RSPH9: variants seen among roughly 807,000 people sequenced by gnomAD.
RSPH9 encodes radial spoke head component 9.
In RSPH9, 27 loss-of-function variants were observed where a neutral mutation model predicts 27.0. That is an observed-to-expected ratio of 1.00 (90% CI 0.74 to 1.38). RSPH9 has a LOEUF of 1.38. RSPH9 is among the 40% of genes most tolerant of loss of function. The probability of loss-of-function intolerance (pLI) is 0.00; values close to 1 mark genes in which losing one functional copy is unlikely to be tolerated. For synonymous variants in RSPH9, 145 were observed against 147.7 expected, an observed-to-expected ratio of 0.98 and a Z score of 0.13; for missense variants, 347 against 357.4, an observed-to-expected ratio of 0.97 and a Z score of 0.24.
chr6:43,653,172 C>T (rs928035622), intron 2 of RSPH9, among the ~76,000 whole-genome samples: 1 of 152,144 alleles, frequency 6.6e-6, no homozygotes, highest in Non-Finnish European at 1.5e-5. Flanking sequence ...GACCATATAG[C>T]TGGGCATGGT....
In RSPH9 at chr6:43,671,795, G is replaced by A. The variant is rs1773710991; in HGVS notation, c.*846G>A. ...ACAGCTTCCAAGGTGTTCTTGAGTAGCAGACATTGTCCCTCAGAAGGGGTG... is the reference window on the plus strand; with the variant it reads ...ACAGCTTCCAAGGTGTTCTTGAGTAACAGACATTGTCCCTCAGAAGGGGTG... On this transcript the variant is annotated 3_prime_UTR_variant, in exon 5 of 5. Coordinates refer to ENST00000372163, the MANE Select transcript of RSPH9 (RefSeq NM_152732.5). 1 of 1,614,222 alleles carries A rather than the reference G, an allele frequency of 6.2e-7. No individual in the cohort carries two copies. Among genetic ancestry groups the A allele is most frequent in the Non-Finnish European group, 8.5e-7 (1 of 1,180,030 alleles).
intron 1 of RSPH9, among the ~76,000 whole-genome samples, chr6:43,646,929 T>C (rs1226524095): frequency 7.0e-6 from 1 of 141,910 alleles, no homozygotes; most frequent in East Asian, 2.1e-4. Context: ...CACTCCAGCC[T>C]GGGTGACAGA....
chr6:43,645,086 A>G lies in RSPH9; in HGVS notation c.-13A>G, dbSNP rs778566092. The stretch of plus-strand genomic sequence containing the variant: ...TAGCAACTCGACGGGCGTTGAGCGG[A>G]GCCGCTGACCTGATGGACGCCGACA... On this transcript the variant is annotated 5_prime_UTR_variant, in exon 1 of 5. Transcript: ENST00000372163. The G allele has an allele frequency of 6.2e-7, 1 of 1,608,254 alleles. No homozygotes were observed. The highest frequency in any genetic ancestry group is 8.5e-7 in the Non-Finnish European group (1 of 1,178,916).
intron 2 of RSPH9, among the ~76,000 whole-genome samples, chr6:43,651,710 A>T (rs1771488078): frequency 6.6e-6 from 1 of 151,908 alleles, no homozygotes; most frequent in African/African-American, 2.4e-5. Flanking sequence ...TGCCACACCC[A>T]GCTAATTTTT....
chr6:43,671,369 A>C lies in RSPH9; in HGVS notation c.*420A>C. On this transcript the variant is annotated 3_prime_UTR_variant, in exon 5 of 5. Coordinates refer to ENST00000372163, the MANE Select transcript of RSPH9 (RefSeq NM_152732.5). ...TGACTCATTGGCCCCATCACAAGAG[A>C]TCAGTGACTCAATGCTCAGCACCCA... The C allele has an allele frequency of 2.5e-6, 1 of 396,984 alleles. No homozygotes were observed. Among genetic ancestry groups the C allele is most frequent in the Non-Finnish European group, 4.7e-6 (1 of 215,050 alleles). The allele number at this position is 396,984 out of a possible 1,614,324, so 24.6% of individuals were successfully genotyped here.
intron 4 of RSPH9, among the ~76,000 whole-genome samples, 200 bp downstream of exon 4, chr6:43,656,923 G>A (rs1252446073): frequency 1.3e-5 from 2 of 152,156 alleles, no homozygotes; most frequent in Non-Finnish European, 2.9e-5. Context: ...ACAAAAGGTA[G>A]GATTGTTTTC....
chr6:43,667,333 C>T (rs1773242821), intron 4 of RSPH9, among the ~76,000 whole-genome samples: 1 of 152,218 alleles, frequency 6.6e-6, no homozygotes, highest in East Asian at 1.9e-4. Flanking sequence ...GCAAAGGTCT[C>T]AGAATTGCCA....
chr6:43,656,311 C>T (rs1033388155), intron 3 of RSPH9, among the ~76,000 whole-genome samples: 1 of 152,148 alleles, frequency 6.6e-6, no homozygotes, highest in Admixed American at 6.6e-5. Context: ...GTCTCAAACT[C>T]CCGACCTCAG....
intron 4 of RSPH9, among the ~76,000 whole-genome samples, chr6:43,665,270 G>A (rs1773030002): frequency 6.6e-6 from 1 of 152,238 alleles, no homozygotes; most frequent in Non-Finnish European, 1.5e-5. Flanking sequence ...CTCGGGTAAG[G>A]TGGACCCTGG....
intron 4 of RSPH9, among the ~76,000 whole-genome samples, chr6:43,662,249 G>C: frequency 6.6e-6 from 1 of 152,218 alleles, no homozygotes; most frequent in East Asian, 1.9e-4. Context: ...TCATAGAATT[G>C]AAGAGAGTTA....
At position 43,670,781 on chromosome 6, in the gene RSPH9, T is replaced by C. The variant is rs371183985; in HGVS notation, c.671-8T>C. The C allele has an allele frequency of 1.2e-5, 19 of 1,613,692 alleles. No individual in the cohort carries two copies. In the African/African-American group the frequency reaches 1.7e-4, roughly 15 times the overall value. On this transcript the variant is annotated splice_polypyrimidine_tract_variant and splice_region_variant and intron_variant, in intron 4 of 4. Transcript: ENST00000372163. Reference sequence around the variant, plus strand: ...ACCAGGCCTCACCTCCTGCCTGTCTTATCTCAGGGTCCTGGAGCATCCAGA... The same window carrying C: ...ACCAGGCCTCACCTCCTGCCTGTCTCATCTCAGGGTCCTGGAGCATCCAGA...
intron 2 of RSPH9, among the ~76,000 whole-genome samples, chr6:43,651,048 GCC>G (rs1281535062): frequency 6.6e-6 from 1 of 151,480 alleles, no homozygotes; most frequent in Non-Finnish European, 1.5e-5. Flanking sequence ...TTCCGCCTCA[GCC>G]TCCCAAGTAG....
chr6:43,652,261 G>A (rs527827999), intron 2 of RSPH9, among the ~76,000 whole-genome samples: 413 of 150,514 alleles, frequency 2.7e-3, no homozygotes, highest in African/African-American at 9.7e-3. Flanking sequence ...AGCTGAGATC[G>A]GGCCACTGCA....
Position 43,671,042 on chromosome 6 carries a change from T to G in RSPH9, c.*93T>G. The G allele has an allele frequency of 6.8e-7, 1 of 1,479,408 alleles. No individual in the cohort carries two copies. The highest frequency in any genetic ancestry group is 9.3e-7 in the Non-Finnish European group (1 of 1,072,436). 91.6% of individuals were successfully genotyped at this position (1,479,408 alleles called of 1,614,324 possible). A position where few individuals can be genotyped will look rare whatever the true frequency, so the allele number is the denominator to read the frequency against. On this transcript the variant is annotated 3_prime_UTR_variant, in exon 5 of 5. Coordinates refer to ENST00000372163, the MANE Select transcript of RSPH9 (RefSeq NM_152732.5). ...GGCCTGCCTGTTCTGTCCTATCTTC[T>G]TAACTCCACCTCCGTCTGGTTCCAG...
At chr6:43,670,133 G>A (rs147827867) in intron 4 of RSPH9, among the ~76,000 whole-genome samples, 92 of 152,318 alleles carry the variant, frequency 6.0e-4, no homozygotes, top group Admixed American at 2.3e-3. Flanking sequence ...TGTGGGAGGA[G>A]CTGGTGTCTC....
intron 4 of RSPH9, among the ~76,000 whole-genome samples, chr6:43,667,468 T>C (rs1278186318): frequency 6.6e-6 from 1 of 152,088 alleles, no homozygotes; most frequent in Admixed American, 6.5e-5. Context: ...CTGCTGCTGG[T>C]GGTGGTTGAG....
In RSPH9 at chr6:43,656,651, A is replaced by G. The variant is rs886061478; in HGVS notation, c.598A>G (p.Thr200Ala). 7 of 1,613,980 alleles carry G rather than the reference A, an allele frequency of 4.3e-6. No individual in the cohort carries two copies. The highest frequency in any genetic ancestry group is 1.3e-5 in the African/African-American group (1 of 74,878). The change falls in exon 4 of 5, where the codon ACC becomes GCC. Residue 200 changes from threonine (T) to alanine (A), a missense_variant. By Grantham distance (58) the Thr-to-Ala change is moderately conservative (BLOSUM62 0). Coordinates refer to ENST00000372163, the MANE Select transcript of RSPH9 (RefSeq NM_152732.5). ...FREPVELKNK[T>A]LLEKADLDPS... is the part of the protein sequence containing the mutation. The stretch of plus-strand genomic sequence containing the variant: ...GGAGCCTGTTGAGCTAAAGAATAAG[A>G]CCTTGCTTGAGAAGGCTGACCTGGA...
At chr6:43,659,122 A>G (rs796381781) in intron 4 of RSPH9, among the ~76,000 whole-genome samples, 1 of 152,270 alleles carries the variant, frequency 6.6e-6, no homozygotes, top group South Asian at 2.1e-4. Context: ...TTCAAGTTTT[A>G]TCATGAGGTT....
intron 4 of RSPH9, among the ~76,000 whole-genome samples, chr6:43,670,141 C>A (rs1773563421): frequency 6.6e-6 from 1 of 152,162 alleles, no homozygotes; most frequent in Admixed American, 6.5e-5. Flanking sequence ...GAGCTGGTGT[C>A]TCCCTTGGCC....
Sources: gnomAD v4.1 joint callset for allele counts (sites outside exome capture counted in the v4.1 genomes callset) on GRCh38, gnomAD v4.1.1 for gene constraint, MANE v1.5 for transcripts, NCBI Gene and HGNC (gene_info 2026-07-23, HGNC 2026-07-21) for gene names.